Variants in NDC1 observed in about 807,000 individuals in gnomAD.
NDC1 encodes the protein NDC1 transmembrane nucleoporin.
NDC1 carries 24 observed loss-of-function variants against 89.8 expected under a neutral mutation model. The ratio of observed to expected loss-of-function variants is 0.27; its 90% CI spans 0.19 to 0.38. The LOEUF (loss-of-function observed/expected upper bound fraction) is 0.38. Ranked by LOEUF, NDC1 falls within the 10% of genes least tolerant of loss-of-function variation. The pLI is 1.00. For missense variants in NDC1, 728 were observed against 797.6 expected (o/e 0.91, Z 1.05); for synonymous variants, 296 against 284.8 (o/e 1.04, Z -0.39).
In NDC1 at chr1:53,796,042, A is replaced by G. The variant is rs1459424329; in HGVS notation, c.1584+647T>C. ...CCAAGGCCATTCCCATCTCAGATGC[A>G]CTGGGCTGCTCCCAGCTCTCCCTTC... On this transcript the variant is annotated intron_variant, in intron 13 of 17. Coordinates refer to ENST00000371429, the MANE Select transcript of NDC1 (RefSeq NM_018087.5). Among the ~76,000 whole-genome samples the G allele has an allele frequency of 3.3e-5, 5 of 152,248 alleles. No individual in the cohort carries two copies. In the East Asian group the frequency reaches 9.7e-4, roughly 29 times the overall value.
chr1:53,808,894 C>T (rs1429206286), intron 7 of NDC1, among the ~76,000 whole-genome samples: 2 of 152,196 alleles, frequency 1.3e-5, no homozygotes, highest in Non-Finnish European at 2.9e-5. Flanking sequence ...TTCCCACTCC[C>T]TAAAACTGAT....
At chr1:53,792,215 T>A (rs1052189108) in intron 14 of NDC1, among the ~76,000 whole-genome samples, 1 of 152,174 alleles carries the variant, frequency 6.6e-6, no homozygotes, top group African/African-American at 2.4e-5. Context: ...GTGCTGGGAT[T>A]ACAGGTGTGA....
chr1:53,816,649 A>AAC (rs1553149896), intron 6 of NDC1, among the ~76,000 whole-genome samples: 9 of 150,794 alleles, frequency 6.0e-5, no homozygotes, highest in African/African-American at 1.7e-4. Context: ...AAAAAACAAA[A>AAC]AAAAAAAAAA....
At chr1:53,793,623 G>A (rs114240147) in intron 13 of NDC1, among the ~76,000 whole-genome samples, 1,946 of 151,522 alleles carry the variant, frequency 0.013, 47 homozygotes, top group African/African-American at 0.044. Context: ...ACAGGGTCTC[G>A]CTTTGTCACC....
chr1:53,779,127 A>G (rs1227267514), intron 16 of NDC1, among the ~76,000 whole-genome samples: 7 of 151,604 alleles, frequency 4.6e-5, no homozygotes, highest in African/African-American at 1.7e-4. Flanking sequence ...CGCAAAAAAA[A>G]AAAAAAAAAA....
rs1443665222 is a variant in NDC1, at chr1:53,790,856, G to C, written c.1636-1660C>G. On this transcript the variant is annotated intron_variant, in intron 14 of 17. Coordinates refer to ENST00000371429, the MANE Select transcript of NDC1 (RefSeq NM_018087.5). ...ATTTGCACAAATTTATGGAGTACAT[G>C]TGAAATTTTGTTACACGTATATAAT... Among the ~76,000 whole-genome samples the C allele has an allele frequency of 3.3e-5, 5 of 152,150 alleles. No homozygotes were observed. The South Asian group carries it at 1.0e-3, about 31-fold the overall frequency.
chr1:53,788,236 G>A (rs1647369627), intron 15 of NDC1, among the ~76,000 whole-genome samples: 1 of 152,026 alleles, frequency 6.6e-6, no homozygotes, highest in Non-Finnish European at 1.5e-5. Flanking sequence ...TAAGGTTGCA[G>A]TGAGCTATGA....
At chr1:53,803,896 T>A (rs771796018) in intron 10 of NDC1, 32 bp downstream of exon 10, 4 of 1,504,542 alleles carry the variant, frequency 2.7e-6, no homozygotes, top group Non-Finnish European at 3.7e-6. Context: ...TACACACATA[T>A]GCCTAATCAA....
Position 53,766,531 on chromosome 1 carries a change from A to G in NDC1, c.*1439T>C, listed in dbSNP as rs1647067184. ...CCAAAACAAAAAAACAAATGGCAAT[A>G]GTCTACATATCTAAACACTTGACAA... On this transcript the variant is annotated 3_prime_UTR_variant, in exon 18 of 18. Coordinates refer to ENST00000371429, the MANE Select transcript of NDC1 (RefSeq NM_018087.5). 6.6e-6 allele frequency: 1 copy of G among 152,240 alleles called. No homozygotes were observed. The highest frequency in any genetic ancestry group is 2.4e-5 in the African/African-American group (1 of 41,460). The allele number at this position is 152,240 out of a possible 1,614,324, so 9.4% of individuals were successfully genotyped here.
chr1:53,798,353 A>G (rs1647795269), intron 11 of NDC1, among the ~76,000 whole-genome samples: 1 of 150,972 alleles, frequency 6.6e-6, no homozygotes, highest in South Asian at 2.1e-4. Flanking sequence ...TATTTTTAGT[A>G]GAGACAGGGT....
Position 53,807,700 on chromosome 1 carries a change from T to C in NDC1, c.847A>G (p.Thr283Ala). 1 of 1,613,622 alleles carries C rather than the reference T, an allele frequency of 6.2e-7. No individual in the cohort carries two copies. Among genetic ancestry groups the C allele is most frequent in the South Asian group, 1.1e-5 (1 of 91,026 alleles). ...VWLCGVFLLT[T>A]WYVSWILFKI... ...AAGAGTATCCATGAGACATACCAAG[T>C]CGTCAGGAGAAAGACACCACACAGC... The change falls in exon 8 of 18, where the codon ACT (threonine) becomes GCT (alanine). Residue 283 changes from threonine (T) to alanine (A), a missense_variant. By Grantham distance (58) the Thr-to-Ala change is moderately conservative. Transcript: ENST00000371429.
intron 13 of NDC1, among the ~76,000 whole-genome samples, chr1:53,793,555 T>A (rs1329725333): frequency 1.3e-5 from 2 of 152,176 alleles, no homozygotes; most frequent in African/African-American, 4.8e-5. Context: ...AATTAATTAA[T>A]TCTAAGTGGT....
rs773341233 is a variant in NDC1 at position 53,806,513 on chromosome 1, T to A, written c.896A>T (p.His299Leu). The change falls in exon 9 of 18, where the codon CAT (histidine) becomes CTT (leucine). Residue 299 changes from histidine to leucine, a missense_variant. Physicochemically the swap from His to Leu is moderately conservative, Grantham distance 99. Transcript: ENST00000371429. ...AAATGGTGGTTGAACAGGAAACACA[T>A]GAGCCTATCAAATAAATTAAAAACC... ...ILFKIYATEA[H>L]VFPVQPPFAE... 2.6e-5 allele frequency: 38 copies of A among 1,482,862 alleles called. No individual in the cohort carries two copies. Among genetic ancestry groups the A allele is most frequent in the Non-Finnish European group, 3.1e-5 (35 of 1,119,184 alleles). 91.9% of individuals were successfully genotyped at this position (1,482,862 alleles called of 1,614,324 possible). A position where few individuals can be genotyped will look rare whatever the true frequency, so the allele number is the denominator to read the frequency against.
At chr1:53,769,137 T>C (rs1283466244) in intron 17 of NDC1, among the ~76,000 whole-genome samples, 1 of 152,142 alleles carries the variant, frequency 6.6e-6, no homozygotes. Context: ...TGCTATGATC[T>C]TGTCACTGCA....
At chr1:53,829,162 C>G (rs35647900) in intron 3 of NDC1, among the ~76,000 whole-genome samples, 4,388 of 152,168 alleles carry the variant, frequency 0.029, 97 homozygotes, top group Non-Finnish European at 0.044. Context: ...CCTGATCTAT[C>G]TATGTAGGTA....
At chr1:53,824,335 T>C (rs1182205106) in intron 5 of NDC1, among the ~76,000 whole-genome samples, 1 of 151,978 alleles carries the variant, frequency 6.6e-6, no homozygotes, top group East Asian at 1.9e-4. Context: ...GTCCTGGGCT[T>C]AAGAAATCCT....
At chr1:53,837,813 C>T (rs1649286940) in intron 1 of NDC1, among the ~76,000 whole-genome samples, 2 of 152,212 alleles carry the variant, frequency 1.3e-5, no homozygotes, top group Non-Finnish European at 2.9e-5. Flanking sequence ...TGGACCCTAA[C>T]CCCAGCCTCT....
Position 53,838,263 on chromosome 1 carries a change from G to C in NDC1, c.-2C>G. 1 of 1,537,268 alleles carries C rather than the reference G, an allele frequency of 6.5e-7. No homozygotes were observed. The highest frequency in any genetic ancestry group is 2.0e-5 in the Admixed American group (1 of 50,768). On this transcript the variant is annotated 5_prime_UTR_variant, in exon 1 of 18. Transcript: ENST00000371429. The stretch of plus-strand genomic sequence containing the variant: ...GGGCCGGCTCACGGCCGTGGCCATG[G>C]AGATGGCGGCCCCTAGTCTAGGGCG...
Position 53,828,096 on chromosome 1 carries a change from T to G in NDC1, c.358A>C (p.Ile120Leu). 1 of 1,614,140 alleles carries G rather than the reference T, an allele frequency of 6.2e-7. No homozygotes were observed. ...IHPQQLMHSF[I>L]HAAMGMVMAW... ...ATCACCATTCCCATTGCAGCATGAA[T>G]AAATGAGTGCATGAGTTGCTGAGGA... The change falls in exon 4 of 18, where the codon ATT becomes CTT. Residue 120 changes from isoleucine to leucine, a missense_variant. Coordinates refer to ENST00000371429, the MANE Select transcript of NDC1 (RefSeq NM_018087.5).
Sources: allele counts gnomAD v4.1 joint callset (sites outside exome capture counted in the v4.1 genomes callset), GRCh38; gene constraint gnomAD v4.1.1; transcripts MANE v1.5; gene names NCBI Gene and HGNC (gene_info 2026-07-23, HGNC 2026-07-21).